Variants in ITPR1 observed in about 807,000 individuals in gnomAD.
The protein encoded by ITPR1 is inositol 1,4,5-trisphosphate receptor type 1, also known as inositol 1,4,5-trisphosphate-gated calcium channel ITPR1.
A neutral mutation model predicts 318.4 loss-of-function variants in ITPR1; 96 were observed. The ratio of observed to expected loss-of-function variants is 0.30; its 90% CI spans 0.26 to 0.36. ITPR1 has a LOEUF of 0.36. Among genes scored for constraint, ITPR1 ranks in the 10% least tolerant of loss-of-function variants. ITPR1 has a pLI of 1.00. For missense variants in ITPR1, 2,440 were observed against 3,460.2 expected (o/e 0.71, Z 7.40); for synonymous variants, 1,312 against 1,289.9 (o/e 1.02, Z -0.37).
At chr3:4,586,216 C>T (rs958497274) in intron 4 of ITPR1, among the ~76,000 whole-genome samples, 4 of 152,048 alleles carry the variant, frequency 2.6e-5, no homozygotes, top group Admixed American at 6.6e-5. Flanking sequence ...TGAATAGTGC[C>T]GCAATAAACA....
At chr3:4,671,315 A>T (rs775823058) in intron 20 of ITPR1, among the ~76,000 whole-genome samples, 1 of 152,226 alleles carries the variant, frequency 6.6e-6, no homozygotes, top group Non-Finnish European at 1.5e-5. Flanking sequence ...AATGAAGGTG[A>T]TAGTGCCAAT....
At chr3:4,799,847 G>A (rs1016834674) in intron 53 of ITPR1, 1 of 152,310 alleles carries the variant, frequency 6.6e-6, no homozygotes, top group African/African-American at 2.4e-5. Context: ...TTCCCTTGGA[G>A]AAATCTGATT....
At chr3:4,607,886 A>AT (rs2091814568) in intron 4 of ITPR1, among the ~76,000 whole-genome samples, 1 of 152,136 alleles carries the variant, frequency 6.6e-6, no homozygotes, top group African/African-American at 2.4e-5. Context: ...GGTAAGTTGC[A>AT]TATCTTGTGA....
intron 44 of ITPR1, 34 bp from the exon 45 acceptor site, chr3:4,766,496 A>C: frequency 6.3e-7 from 1 of 1,596,304 alleles, no homozygotes. Flanking sequence ...CTGGTCAGTT[A>C]CAGTGTTCAC....
At chr3:4,684,758 G>A (rs1057233331) in intron 29 of ITPR1, among the ~76,000 whole-genome samples, 1 of 152,158 alleles carries the variant, frequency 6.6e-6, no homozygotes, top group Non-Finnish European at 1.5e-5. Context: ...AGCTTTGTGT[G>A]TTTTACCCCA....
At chr3:4,691,035 A>G in intron 31 of ITPR1, 109 bp from the exon 32 acceptor site, 2 of 661,254 alleles carry the variant, frequency 3.0e-6, no homozygotes, top group Non-Finnish European at 4.9e-6. Context: ...CATGGGTTTA[A>G]ATGCTTCCCT....
chr3:4,596,672 T>C (rs965114430), intron 4 of ITPR1, among the ~76,000 whole-genome samples: 2 of 152,312 alleles, frequency 1.3e-5, no homozygotes, highest in South Asian at 2.1e-4. Context: ...GATGGAACTG[T>C]CTTTCCTCCC....
intron 24 of ITPR1, 112 bp downstream of exon 24, chr3:4,676,913 A>C (rs2094195913): frequency 1.4e-6 from 1 of 736,736 alleles, no homozygotes; most frequent in Non-Finnish European, 2.2e-6. Flanking sequence ...AATGGGGGCA[A>C]ATCCTTAGCT....
intron 51 of ITPR1, among the ~76,000 whole-genome samples, chr3:4,784,593 T>C (rs1457944280): frequency 1.3e-5 from 2 of 149,104 alleles, no homozygotes; most frequent in Non-Finnish European, 3.0e-5. Context: ...AAAAAAGGTG[T>C]CATGTGGCTG....
chr3:4,520,150 G>A (rs1224810263), intron 3 of ITPR1, among the ~76,000 whole-genome samples: 1 of 152,142 alleles, frequency 6.6e-6, no homozygotes, highest in East Asian at 1.9e-4. Flanking sequence ...CAAGTTCTGT[G>A]GTCACTTGGA....
At chr3:4,572,626 T>C (rs761317759) in intron 4 of ITPR1, among the ~76,000 whole-genome samples, 10 of 152,224 alleles carry the variant, frequency 6.6e-5, no homozygotes, top group Non-Finnish European at 1.0e-4. Flanking sequence ...ATTTTAACCA[T>C]TTTTAAGTGT....
chr3:4,732,574 T>G (rs961437795), intron 42 of ITPR1, among the ~76,000 whole-genome samples: 2 of 152,206 alleles, frequency 1.3e-5, no homozygotes, highest in African/African-American at 4.8e-5. Context: ...TTTTGGTTTG[T>G]CTTTTGTTTT....
Position 4,598,549 on chromosome 3 carries a change from G to A in ITPR1, c.164-29214G>A, listed in dbSNP as rs576285791. On this transcript the variant is annotated intron_variant, in intron 4 of 61. Coordinates refer to ENST00000649015, the MANE Select transcript of ITPR1 (RefSeq NM_001378452.1). ...AGACAGGAGGATTGCTTGAGCTCGG[G>A]AGGTTGAGGTTGCAGTGAGCCATGA... 3.9e-5 allele frequency among the ~76,000 whole-genome samples: 6 copies of A among 152,296 alleles called. No homozygotes were observed. In the East Asian group the frequency reaches 9.7e-4, roughly 25 times the overall value.
In ITPR1 at chr3:4,717,362, T is replaced by C. The variant is rs775238471; in HGVS notation, c.5104-5T>C. Reference sequence around the variant, plus strand: ...TCTCTCTCTCTCCCCTTTTTTCTTTTCCAGCTAATTTCCATTGATGAATTG... The same window carrying C: ...TCTCTCTCTCTCCCCTTTTTTCTTTCCCAGCTAATTTCCATTGATGAATTG... On this transcript the variant is annotated splice_polypyrimidine_tract_variant and splice_region_variant and intron_variant, in intron 39 of 61. Transcript: ENST00000649015. 1 of 1,594,552 alleles carries C rather than the reference T, an allele frequency of 6.3e-7. No homozygotes were observed. Among genetic ancestry groups the C allele is most frequent in the East Asian group, 2.2e-5 (1 of 44,858 alleles).
At chr3:4,821,579 A>G (rs1164509155) in intron 60 of ITPR1, among the ~76,000 whole-genome samples, 1 of 152,244 alleles carries the variant, frequency 6.6e-6, no homozygotes, top group Non-Finnish European at 1.5e-5. Flanking sequence ...TTGACGAGTC[A>G]TGAATGAAAG....
intron 4 of ITPR1, among the ~76,000 whole-genome samples, chr3:4,531,834 C>T (rs1289966564): frequency 1.3e-5 from 2 of 152,166 alleles, no homozygotes; most frequent in Non-Finnish European, 2.9e-5. Flanking sequence ...CCTTTGTGTG[C>T]AGGCAAGCAG....
chr3:4,752,778 C>G (rs1027426069), intron 44 of ITPR1, among the ~76,000 whole-genome samples: 2 of 152,210 alleles, frequency 1.3e-5, no homozygotes, highest in African/African-American at 4.8e-5. Context: ...GAACTACTGG[C>G]TTGTGTCACC....
In ITPR1 at chr3:4,701,506, A is replaced by G. The variant is rs556731288; in HGVS notation, c.4537-1324A>G. Among the ~76,000 whole-genome samples, 5 of 152,274 alleles carry G rather than the reference A, an allele frequency of 3.3e-5. No homozygotes were observed. In the East Asian group the frequency reaches 9.7e-4, roughly 29 times the overall value. On this transcript the variant is annotated intron_variant, in intron 35 of 61. Coordinates refer to ENST00000649015, the MANE Select transcript of ITPR1 (RefSeq NM_001378452.1). Reference sequence around the variant, plus strand: ...CCTCTGCTCCTGTCCTCTATTAGGAACACAGCTTACTATCTTGGGTGGCTG... The same window carrying G: ...CCTCTGCTCCTGTCCTCTATTAGGAGCACAGCTTACTATCTTGGGTGGCTG...
At chr3:4,499,383 T>A (rs2080850149) in intron 2 of ITPR1, among the ~76,000 whole-genome samples, 1 of 152,224 alleles carries the variant, frequency 6.6e-6, no homozygotes, top group Admixed American at 6.5e-5. Context: ...ATCTTGAACA[T>A]CTTTTTAATA....
Sources: gnomAD v4.1 joint callset for allele counts (sites outside exome capture counted in the v4.1 genomes callset) on GRCh38, gnomAD v4.1.1 for gene constraint, MANE v1.5 for transcripts, NCBI Gene and HGNC (gene_info 2026-07-23, HGNC 2026-07-21) for gene names.